Variants in MDN1 observed in about 807,000 individuals in gnomAD.
MDN1 encodes the protein midasin AAA ATPase 1.
A neutral mutation model predicts 669.2 loss-of-function variants in MDN1; 266 were observed. The ratio of observed to expected loss-of-function variants is 0.40; its 90% confidence interval spans 0.36 to 0.44. The LOEUF (loss-of-function observed/expected upper bound fraction) is 0.44, where lower values mean the gene tolerates loss of function less well. Ranked by LOEUF, MDN1 falls within the 20% of genes least tolerant of loss-of-function variation. The pLI, the probability that MDN1 is intolerant of heterozygous loss-of-function variation, is 1.00. For missense variants in MDN1, 5,940 were observed against 6,754.0 expected (o/e 0.88, Z 4.22); for synonymous variants, 2,385 against 2,457.1 (o/e 0.97, Z 0.87).
chr6:89,768,454 G>A (rs770209614), intron 15 of MDN1, among the ~76,000 whole-genome samples: 2 of 152,166 alleles, frequency 1.3e-5, no homozygotes, highest in Non-Finnish European at 2.9e-5. Context: ...CCAGCCATGC[G>A]GAACTGTGAG....
chr6:89,754,253 G>C, intron 20 of MDN1, 23 bp from the exon 21 acceptor site: 2 of 1,603,484 alleles, frequency 1.2e-6, no homozygotes, highest in Non-Finnish European at 1.7e-6. Flanking sequence ...TAAAGGTCAG[G>C]CAATTTTATT....
rs1818264794 is a variant in MDN1 at position 89,774,669 on chromosome 6, C to T, written c.1886G>A (p.Gly629Asp). 6.2e-7 allele frequency: 1 copy of T among 1,613,686 alleles called. No homozygotes were observed. Among genetic ancestry groups the T allele is most frequent in the African/African-American group, 1.3e-5 (1 of 74,912 alleles). ...TTGTTTCCGTAGAAGCCGCACTCGA[C>T]CCACTTGCAAATCTAGCTCATTGAT... ...IVINELDLQV[G>D]RVRLLRKQSE... Residue 629 changes from glycine to aspartate, a missense_variant, in exon 13 of 102, where the codon GGT (glycine) becomes GAT (aspartate). Gly to Asp is a moderately conservative substitution (Grantham distance 94). Transcript: ENST00000369393.
chr6:89,668,524 A>C (rs1250013981), intron 83 of MDN1, among the ~76,000 whole-genome samples: 3 of 152,044 alleles, frequency 2.0e-5, no homozygotes, highest in African/African-American at 7.3e-5. Flanking sequence ...ACATAGTAAT[A>C]ACTGTGAAAT....
intron 1 of MDN1, among the ~76,000 whole-genome samples, chr6:89,807,827 T>G (rs975520167): frequency 2.0e-5 from 3 of 152,230 alleles, no homozygotes; most frequent in South Asian, 2.1e-4. Flanking sequence ...TGTTCGTTTC[T>G]TGTGAACTGT....
At chr6:89,736,260 T>C (rs1036110792) in intron 33 of MDN1, among the ~76,000 whole-genome samples, 5 of 152,096 alleles carry the variant, frequency 3.3e-5, no homozygotes, top group Non-Finnish European at 5.9e-5. Flanking sequence ...GTAAACAAGC[T>C]CCTTAAGGAC....
At chr6:89,757,866 A>G (rs1005035886) in intron 19 of MDN1, among the ~76,000 whole-genome samples, 3 of 150,494 alleles carry the variant, frequency 2.0e-5, no homozygotes, top group Non-Finnish European at 4.5e-5. Context: ...CAACATAGTG[A>G]AACCCAGTGT....
At position 89,778,415 on chromosome 6, in the gene MDN1, A is replaced by C. The variant is rs1818460704; in HGVS notation, c.1726-1720T>G. 2.0e-5 allele frequency among the ~76,000 whole-genome samples: 3 copies of C among 152,116 alleles called. No individual in the cohort carries two copies. The South Asian group carries it at 6.2e-4, about 31-fold the overall frequency. ...AAAAGACCCAAATAATGGCACCCCT[A>C]AAATTCAGTAATAAGCAGGAAAACT... is the stretch of plus-strand genomic sequence containing the variant. On this transcript the variant is annotated intron_variant, in intron 11 of 101. Transcript: ENST00000369393.
At chr6:89,678,338 T>C (rs913984785) in intron 75 of MDN1, among the ~76,000 whole-genome samples, 5 of 151,888 alleles carry the variant, frequency 3.3e-5, no homozygotes, top group South Asian at 2.1e-4. Context: ...CTCAAAAAAA[T>C]AAAATTAATT....
intron 22 of MDN1, 69 bp downstream of exon 22, chr6:89,753,443 C>A (rs1475129469): frequency 3.1e-5 from 35 of 1,144,830 alleles, no homozygotes; most frequent in South Asian, 7.4e-5. Flanking sequence ...AAAAAAAAAA[C>A]CAAACAGCTG....
At chr6:89,722,447 T>G (rs191516508) in intron 40 of MDN1, among the ~76,000 whole-genome samples, 9 of 152,214 alleles carry the variant, frequency 5.9e-5, no homozygotes, top group Non-Finnish European at 1.2e-4. Context: ...GGGATTTGGA[T>G]AGATAAGCAA....
At chr6:89,684,033 A>C in intron 71 of MDN1, 129 bp from the exon 72 acceptor site, 1 of 699,594 alleles carries the variant, frequency 1.4e-6, no homozygotes, top group Non-Finnish European at 2.4e-6. Flanking sequence ...TCAGTGAACA[A>C]GTAAAACAAG....
In MDN1 at chr6:89,672,557, T is replaced by C. The variant is rs372161706; in HGVS notation, c.13620A>G (p.Gln4540=). The part of the protein sequence containing the change: ...AEENTDQASP[Q]EDYAGFERLQ... ...TGATTTCAGACATACCATAATCTTC[T>C]TGTGGGCTTGCTTGGTCAGTGTTCT... The change falls in exon 81 of 102, where the codon CAA becomes CAG. Residue 4540 remains glutamine, a synonymous_variant. Transcript: ENST00000369393. 7.4e-6 allele frequency: 12 copies of C among 1,612,980 alleles called. No homozygotes were observed. Among genetic ancestry groups the C allele is most frequent in the Admixed American group, 1.7e-5 (1 of 59,648 alleles).
intron 101 of MDN1, 21 bp downstream of exon 101, chr6:89,644,994 T>A (rs1808396129): frequency 6.4e-6 from 10 of 1,571,774 alleles, no homozygotes; most frequent in African/African-American, 1.3e-5. Flanking sequence ...CCAGAAAAGG[T>A]GGCTTTTAGT....
intron 37 of MDN1, 50 bp downstream of exon 37, chr6:89,727,783 C>T: frequency 6.2e-7 from 1 of 1,613,088 alleles, no homozygotes; most frequent in African/African-American, 1.3e-5. Flanking sequence ...AGGATGACTG[C>T]TCCTCACACA....
In MDN1 at chr6:89,673,273, G is replaced by C; in HGVS notation, c.13437C>G (p.Thr4479=). Residue 4479 remains threonine, a synonymous_variant, in exon 80 of 102, where the codon ACC becomes ACG. Transcript: ENST00000369393. Reference sequence around the variant, plus strand: ...CTGAAGTAAGCAGATGGGTCTTCCAGGTAGTAAAGTCAGCCATGGCTTTAC... The same window carrying C: ...CTGAAGTAAGCAGATGGGTCTTCCACGTAGTAAAGTCAGCCATGGCTTTAC... ...EISKAMADFT[T]WKTHLLTSDS... is the part of the protein sequence containing the mutation. 1 of 1,614,098 alleles carries C rather than the reference G, an allele frequency of 6.2e-7. No homozygotes were observed. Among genetic ancestry groups the C allele is most frequent in the South Asian group, 1.1e-5 (1 of 91,082 alleles).
chr6:89,704,879 C>T (rs1418763492), intron 53 of MDN1, among the ~76,000 whole-genome samples: 5 of 152,276 alleles, frequency 3.3e-5, no homozygotes, highest in East Asian at 1.9e-4. Flanking sequence ...CGCACCTGGC[C>T]GTGGCCAATG....
At chr6:89,700,439 G>A (rs1343951942) in intron 56 of MDN1, 145 bp from the exon 57 acceptor site, 2 of 778,466 alleles carry the variant, frequency 2.6e-6, no homozygotes, top group Non-Finnish European at 4.0e-6. Context: ...ATTCTCATCT[G>A]TGAAATGATA....
intron 83 of MDN1, among the ~76,000 whole-genome samples, chr6:89,670,165 TATATA>T (rs1181575884): frequency 0.031 from 808 of 26,220 alleles, 11 homozygotes; most frequent in Non-Finnish European, 0.041. Context: ...TATATATATA[TATATA>T]TTTTTTTTTT....
rs756557955 is a variant in MDN1 at position 89,716,640 on chromosome 6, A to C, written c.6743+10T>G. On this transcript the variant is annotated intron_variant, in intron 44 of 101. Coordinates refer to ENST00000369393, the MANE Select transcript of MDN1 (RefSeq NM_014611.3). Reference sequence around the variant, plus strand: ...CAAGTTGGACCACTGATTAGGCATAAGGTTCTTACTTGCAGAAGTTAACAT... The same window carrying C: ...CAAGTTGGACCACTGATTAGGCATACGGTTCTTACTTGCAGAAGTTAACAT... 1 of 1,605,212 alleles carries C rather than the reference A, an allele frequency of 6.2e-7. No homozygotes were observed. Among genetic ancestry groups the C allele is most frequent in the Non-Finnish European group, 8.5e-7 (1 of 1,177,268 alleles).
Sources: allele counts gnomAD v4.1 joint callset (sites outside exome capture counted in the v4.1 genomes callset), GRCh38; gene constraint gnomAD v4.1.1; transcripts MANE v1.5; gene names NCBI Gene and HGNC (gene_info 2026-07-23, HGNC 2026-07-21).